TOMM34: variants seen among roughly 807,000 people sequenced by gnomAD.
TOMM34 encodes mitochondrial import receptor subunit TOM34.
In TOMM34, 24 loss-of-function variants were observed where a neutral mutation model predicts 37.4. The ratio of observed to expected loss-of-function variants is 0.64; its 90% CI spans 0.46 to 0.90. TOMM34 has a LOEUF of 0.90. TOMM34 is among the 40% of genes least tolerant of loss of function. The pLI, the probability that TOMM34 is intolerant of heterozygous loss-of-function variation, is 0.00. For synonymous variants in TOMM34, 154 were observed against 148.9 expected, an observed-to-expected ratio of 1.03 and a Z score of -0.25; for missense variants, 304 against 375.6, an observed-to-expected ratio of 0.81 and a Z score of 1.58.
chr20:44,953,207 C>T (rs1175578944), intron 3 of TOMM34, among the ~76,000 whole-genome samples: 1 of 152,168 alleles, frequency 6.6e-6, no homozygotes, highest in Admixed American at 6.5e-5. Flanking sequence ...ACTGGACACC[C>T]CTTGCCATCA....
In TOMM34 at chr20:44,943,504, T is replaced by C. The variant is rs2066953873; in HGVS notation, c.774A>G (p.Gly258=). Residue 258 remains glycine, a synonymous_variant, in exon 6 of 7, where the codon GGA becomes GGG. Transcript: ENST00000372813. ...KDCTEALKLD[G]KNVKAFYRRA... ...GTCTGTAGAATGCCTTCACGTTCTT[T>C]CCATCCAGCTTGAGGGCTTCTGTGC... The C allele has an allele frequency of 4.3e-6, 7 of 1,614,070 alleles. No homozygotes were observed. The highest frequency in any genetic ancestry group is 5.9e-6 in the Non-Finnish European group (7 of 1,180,020).
chr20:44,946,749 C>T (rs915661729), intron 5 of TOMM34, among the ~76,000 whole-genome samples: 3 of 152,176 alleles, frequency 2.0e-5, no homozygotes, highest in Non-Finnish European at 2.9e-5. Flanking sequence ...ATGTCCAAGA[C>T]GTTCCAGGAC....
intron 2 of TOMM34, chr20:44,955,590 T>C (rs760337733): frequency 4.3e-6 from 2 of 462,072 alleles, no homozygotes; most frequent in Admixed American, 2.3e-5. Context: ...GGTGTCTGAA[T>C]TCCACCTCTG....
intron 5 of TOMM34, among the ~76,000 whole-genome samples, chr20:44,947,506 CT>C (rs892309560): frequency 1.5e-4 from 22 of 149,176 alleles, no homozygotes; most frequent in Admixed American, 1.1e-3. Flanking sequence ...GAAAACACTT[CT>C]TTTTTTTTTG....
At chr20:44,951,634 T>C (rs1019432582) in intron 4 of TOMM34, among the ~76,000 whole-genome samples, 199 bp downstream of exon 4, 1 of 152,316 alleles carries the variant, frequency 6.6e-6, no homozygotes, top group Middle Eastern at 3.4e-3. Context: ...CTCATGGTTG[T>C]GAGGAAGACT....
intron 1 of TOMM34, among the ~76,000 whole-genome samples, chr20:44,957,792 AC>A (rs1373965415): frequency 6.6e-6 from 1 of 151,820 alleles, no homozygotes; most frequent in Admixed American, 6.6e-5. Flanking sequence ...ACAGGTGTGT[AC>A]CCCCAAGCCC....
rs1382263058 is a variant in TOMM34, at chr20:44,952,134, C to G, written c.381-132G>C. The G allele has an allele frequency of 1.2e-5, 12 of 1,019,818 alleles. 1 individual carries two copies. In the East Asian group the frequency reaches 3.2e-4, roughly 27 times the overall value. The allele number at this position is 1,019,818 out of a possible 1,614,324, so 63.2% of individuals were successfully genotyped here. A position where few individuals can be genotyped will look rare whatever the true frequency, so the allele number is the denominator to read the frequency against. ...CCACCCTCCCCCTGGTCGGAACCAC[C>G]TCTTTAGCTCCTCCAACACGTGCAA... On this transcript the variant is annotated intron_variant, in intron 3 of 6. Coordinates refer to ENST00000372813, the MANE Select transcript of TOMM34 (RefSeq NM_006809.5).
At chr20:44,952,060 C>T (rs2067031497) in intron 3 of TOMM34, 58 bp from the exon 4 acceptor site, 2 of 1,557,930 alleles carry the variant, frequency 1.3e-6, no homozygotes, top group East Asian at 2.3e-5. Context: ...AGATATTTCT[C>T]CTTTCACACA....
intron 3 of TOMM34, chr20:44,952,593 GAA>G: frequency 1.4e-6 from 1 of 717,072 alleles, no homozygotes. Flanking sequence ...TTTCATTTTG[GAA>G]AAAGATTGCC....
chr20:44,947,150 T>A (rs1302982038), intron 5 of TOMM34, among the ~76,000 whole-genome samples: 8 of 151,954 alleles, frequency 5.3e-5, no homozygotes, highest in Non-Finnish European at 1.0e-4. Flanking sequence ...GATAGAGGAG[T>A]TAGAAGATGC....
At position 44,942,823 on chromosome 20, in the gene TOMM34, T is replaced by G; in HGVS notation, c.*286A>C. 2.0e-6 allele frequency: 1 copy of G among 500,488 alleles called. No individual in the cohort carries two copies. 31.0% of individuals were successfully genotyped at this position (500,488 alleles called of 1,614,324 possible). A position where few individuals can be genotyped will look rare whatever the true frequency, so the allele number is the denominator to read the frequency against. ...AAATGCTTTGCTGATGAGGATCTGT[T>G]GGTGTGATCAGCTAGCTGGGCTGGG... On this transcript the variant is annotated 3_prime_UTR_variant, in exon 7 of 7. Transcript: ENST00000372813.
At chr20:44,959,669 C>T (rs1354307253) in intron 1 of TOMM34, among the ~76,000 whole-genome samples, 6 of 152,110 alleles carry the variant, frequency 3.9e-5, no homozygotes, top group African/African-American at 1.4e-4. Flanking sequence ...ACCTTGTGCG[C>T]TTGGCTTCTC....
At chr20:44,945,547 C>T (rs78593546) in intron 5 of TOMM34, among the ~76,000 whole-genome samples, 1,600 of 152,300 alleles carry the variant, frequency 0.011, 27 homozygotes, top group African/African-American at 0.037. Context: ...CTGAGGCCAC[C>T]ACGCTCTCAG....
intron 2 of TOMM34, 129 bp from the exon 3 acceptor site, chr20:44,955,349 C>T (rs146672260): frequency 8.7e-7 from 1 of 1,153,026 alleles, no homozygotes; most frequent in East Asian, 2.4e-5. Flanking sequence ...AGAGACATGG[C>T]TAAAAACGCC....
chr20:44,951,358 A>G (rs1303501666), intron 4 of TOMM34, among the ~76,000 whole-genome samples: 1 of 152,204 alleles, frequency 6.6e-6, no homozygotes, highest in East Asian at 1.9e-4. Context: ...ACAGAAAATA[A>G]AGCTGTGATA....
chr20:44,951,121 G>A (rs539794759), intron 4 of TOMM34, among the ~76,000 whole-genome samples: 2 of 152,268 alleles, frequency 1.3e-5, no homozygotes, highest in Admixed American at 6.5e-5. Context: ...GTACTTCAGG[G>A]AATGGCCTGT....
intron 5 of TOMM34, among the ~76,000 whole-genome samples, chr20:44,945,694 G>A (rs1004427303): frequency 3.3e-5 from 5 of 152,210 alleles, no homozygotes; most frequent in Non-Finnish European, 7.3e-5. Context: ...GGCTTTAGAG[G>A]ATTCCAGCCC....
In TOMM34 at chr20:44,960,227, A is replaced by T; in HGVS notation, c.107T>A (p.Leu36Gln). The T allele has an allele frequency of 6.4e-7, 1 of 1,561,294 alleles. No homozygotes were observed. The highest frequency in any genetic ancestry group is 8.7e-7 in the Non-Finnish European group (1 of 1,153,896). Reference protein sequence around the residue: ...AEASALYGRALRVLQAQGSSD... With the variant: ...AEASALYGRAQRVLQAQGSSD... Reference sequence around the variant, plus strand: ...CGTACCTTGCGCCTGCAGCACCCGCAGCGCGCGGCCGTAGAGCGCGGAGGC... The same window carrying T: ...CGTACCTTGCGCCTGCAGCACCCGCTGCGCGCGGCCGTAGAGCGCGGAGGC... Residue 36 changes from leucine (L) to glutamine (Q), a missense_variant, in exon 1 of 7, where the codon CTG (leucine) becomes CAG (glutamine). Leu to Gln is a moderately radical substitution (Grantham distance 113, BLOSUM62 -2). Transcript: ENST00000372813.
intron 5 of TOMM34, among the ~76,000 whole-genome samples, chr20:44,948,343 C>G (rs2066997874): frequency 6.6e-6 from 1 of 152,226 alleles, no homozygotes; most frequent in African/African-American, 2.4e-5. Flanking sequence ...CCAGTACTCT[C>G]AGACAGAAAT....
Sources: allele counts gnomAD v4.1 joint callset (sites outside exome capture counted in the v4.1 genomes callset), GRCh38; gene constraint gnomAD v4.1.1; transcripts MANE v1.5; gene names NCBI Gene and HGNC (gene_info 2026-07-23, HGNC 2026-07-21).